LRMDA: variants seen among roughly 807,000 people sequenced by gnomAD.
LRMDA encodes leucine-rich melanocyte differentiation-associated protein.
A neutral mutation model predicts 29.8 loss-of-function variants in LRMDA; 18 were observed. That is an observed-to-expected ratio of 0.60 (90% CI 0.42 to 0.90). LRMDA has a LOEUF of 0.90. Among genes scored for constraint, LRMDA ranks in the 40% least tolerant of loss-of-function variants. The pLI, the probability that LRMDA is intolerant of heterozygous loss-of-function variation, is 0.00. For synonymous variants in LRMDA, 125 were observed against 109.4 expected (o/e 1.14, Z -0.89); for missense variants, 273 against 273.9 (o/e 1.00, Z 0.02).
intron 2 of LRMDA, among the ~76,000 whole-genome samples, chr10:75,538,597 T>TTTTGTTTG (rs149300688): frequency 2.0e-5 from 3 of 151,366 alleles, no homozygotes; most frequent in South Asian, 2.1e-4. Flanking sequence ...CATTGAGTAG[T>TTTTGTTTG]TTTGTTTGTT....
intron 6 of LRMDA, among the ~76,000 whole-genome samples, chr10:76,475,458 T>C (rs891621233): frequency 1.3e-5 from 2 of 151,984 alleles, no homozygotes; most frequent in African/African-American, 4.8e-5. Flanking sequence ...TGCAAGACTT[T>C]AACACCCCAC....
intron 5 of LRMDA, among the ~76,000 whole-genome samples, chr10:76,155,752 A>G (rs1201322937): frequency 6.6e-6 from 1 of 152,128 alleles, no homozygotes; most frequent in Non-Finnish European, 1.5e-5. Context: ...GGGTGATAAG[A>G]TTTAGGGATT....
chr10:75,509,011 G>A (rs1043300728), intron 2 of LRMDA, among the ~76,000 whole-genome samples: 1 of 152,182 alleles, frequency 6.6e-6, no homozygotes, highest in Admixed American at 6.6e-5. Flanking sequence ...TATATTAAAG[G>A]CAGGCTTCTG....
chr10:75,671,262 A>G (rs1175185309), intron 2 of LRMDA, among the ~76,000 whole-genome samples: 1 of 152,192 alleles, frequency 6.6e-6, no homozygotes, highest in Non-Finnish European at 1.5e-5. Context: ...TAGCTTCACT[A>G]CTAGGGATAT....
At chr10:75,625,476 T>C (rs1205113323) in intron 2 of LRMDA, among the ~76,000 whole-genome samples, 1 of 152,196 alleles carries the variant, frequency 6.6e-6, no homozygotes, top group African/African-American at 2.4e-5. Flanking sequence ...CCAGGCTGAT[T>C]AGAGTAGATC....
chr10:76,429,408 T>C lies in LRMDA; in HGVS notation c.601+104923T>C, dbSNP rs1490693998. The stretch of plus-strand genomic sequence containing the variant: ...CACAATATTTCTCCCCTTATGAAGA[T>C]TGCATGTCAATAAAGTAATTGAGTC... On this transcript the variant is annotated intron_variant, in intron 6 of 6. Transcript: ENST00000611255. 3.3e-5 allele frequency among the ~76,000 whole-genome samples: 5 copies of C among 152,242 alleles called. No individual in the cohort carries two copies. The East Asian group carries it at 7.7e-4, about 24-fold the overall frequency.
chr10:75,552,442 C>A, intron 2 of LRMDA: 1 of 278,446 alleles, frequency 3.6e-6, no homozygotes, highest in South Asian at 2.9e-5. Context: ...CCTCTGGCTG[C>A]TTTCAGAATT....
At chr10:75,457,564 T>C (rs1440333835) in intron 2 of LRMDA, among the ~76,000 whole-genome samples, 1 of 152,202 alleles carries the variant, frequency 6.6e-6, no homozygotes, top group Non-Finnish European at 1.5e-5. Context: ...ACCTTATCAT[T>C]TTTTCAGGAG....
Position 76,363,381 on chromosome 10 carries a change from T to C in LRMDA, c.601+38896T>C, listed in dbSNP as rs542393043. Among the ~76,000 whole-genome samples, 4 of 152,170 alleles carry C rather than the reference T, an allele frequency of 2.6e-5. No homozygotes were observed. The East Asian group carries it at 7.7e-4, about 29-fold the overall frequency. ...TTGGAAAGGAAGAAGTAAAACTGTCTTTATTTGCAGATGAAATTATCATCT... is the reference window on the plus strand; with the variant it reads ...TTGGAAAGGAAGAAGTAAAACTGTCCTTATTTGCAGATGAAATTATCATCT... On this transcript the variant is annotated intron_variant, in intron 6 of 6. Transcript: ENST00000611255.
chr10:76,445,017 G>A (rs1469557282), intron 6 of LRMDA, among the ~76,000 whole-genome samples: 1 of 152,008 alleles, frequency 6.6e-6, no homozygotes, highest in Non-Finnish European at 1.5e-5. Context: ...TGCATGTATA[G>A]TGTGCCTATG....
chr10:76,524,636 T>C (rs975395940), intron 6 of LRMDA, among the ~76,000 whole-genome samples: 1 of 152,252 alleles, frequency 6.6e-6, no homozygotes, highest in Non-Finnish European at 1.5e-5. Context: ...TCTTTCCTTT[T>C]GAACGGTGTC....
At position 75,755,887 on chromosome 10, in the gene LRMDA, G is replaced by A. The variant is rs148203602; in HGVS notation, c.132-280121G>A. Among the ~76,000 whole-genome samples the A allele has an allele frequency of 1.5e-4, 23 of 152,330 alleles. No homozygotes were observed. In the East Asian group the frequency reaches 4.4e-3, roughly 29 times the overall value. On this transcript the variant is annotated intron_variant, in intron 2 of 6. Transcript: ENST00000611255. ...AAATCCATATTCCTCCACTTGCTTT[G>A]CAGTGGGAAGCTTTGGAGGGTTTTA...
chr10:75,966,091 G>A (rs1846854284), intron 2 of LRMDA, among the ~76,000 whole-genome samples: 1 of 152,186 alleles, frequency 6.6e-6, no homozygotes, highest in Non-Finnish European at 1.5e-5. Flanking sequence ...AGGGTGCAAT[G>A]CTAGTTTCAT....
intron 5 of LRMDA, among the ~76,000 whole-genome samples, chr10:76,177,955 T>C (rs1287498355): frequency 6.6e-6 from 1 of 152,202 alleles, no homozygotes; most frequent in African/African-American, 2.4e-5. Flanking sequence ...AGATTGGCAT[T>C]CCACTACCTT....
At chr10:75,570,090 T>C (rs896476599) in intron 2 of LRMDA, among the ~76,000 whole-genome samples, 1 of 152,198 alleles carries the variant, frequency 6.6e-6, no homozygotes, top group Non-Finnish European at 1.5e-5. Context: ...CATGGCCCAA[T>C]AGCTGGAACA....
At chr10:75,684,568 G>T (rs1842061134) in intron 2 of LRMDA, among the ~76,000 whole-genome samples, 1 of 152,236 alleles carries the variant, frequency 6.6e-6, no homozygotes, top group Non-Finnish European at 1.5e-5. Flanking sequence ...TCTTGCCTAT[G>T]AAGTAGTCTG....
At position 75,939,404 on chromosome 10, in the gene LRMDA, G is replaced by A. The variant is rs867343380; in HGVS notation, c.132-96604G>A. 2.0e-5 allele frequency among the ~76,000 whole-genome samples: 3 copies of A among 152,152 alleles called. No homozygotes were observed. In the South Asian group the frequency reaches 6.2e-4, roughly 32 times the overall value. On this transcript the variant is annotated intron_variant, in intron 2 of 6. Coordinates refer to ENST00000611255, the MANE Select transcript of LRMDA (RefSeq NM_001305581.2). ...GTTTTCCCTATTTGTCGTGAATTAT[G>A]TCCTAAAGATCCTTGGAGAGATGTT...
At chr10:76,549,479 G>A (rs978217456) in intron 6 of LRMDA, among the ~76,000 whole-genome samples, 28 of 152,158 alleles carry the variant, frequency 1.8e-4, no homozygotes, top group Admixed American at 1.8e-3. Flanking sequence ...AAAAGGATAG[G>A]TTGCCTGGCA....
chr10:76,106,294 T>C (rs1015260331), intron 5 of LRMDA, among the ~76,000 whole-genome samples: 2 of 152,228 alleles, frequency 1.3e-5, no homozygotes, highest in Admixed American at 1.3e-4. Flanking sequence ...ATTTTTGCAG[T>C]AGAAACTTAA....
Sources: gnomAD v4.1 joint callset for allele counts (sites outside exome capture counted in the v4.1 genomes callset) on GRCh38, gnomAD v4.1.1 for gene constraint, MANE v1.5 for transcripts, NCBI Gene and HGNC (gene_info 2026-07-23, HGNC 2026-07-21) for gene names.